Variants in TNIK observed in about 807,000 individuals in gnomAD.
TNIK encodes TRAF2 and NCK interacting kinase.
In TNIK, 49 loss-of-function variants were observed where a neutral mutation model predicts 191.3. That is an observed-to-expected ratio of 0.26 (90% CI 0.20 to 0.32). The LOEUF is 0.32. TNIK is among the 10% of genes least tolerant of loss of function. The pLI, the probability that TNIK is intolerant of heterozygous loss-of-function variation, is 1.00. For missense variants in TNIK, 1,155 were observed against 1,702.3 expected, an observed-to-expected ratio of 0.68 and a Z score of 5.66; for synonymous variants, 594 against 600.9, an observed-to-expected ratio of 0.99 and a Z score of 0.17.
At chr3:171,065,535 C>T (rs529336953) in intron 32 of TNIK, among the ~76,000 whole-genome samples, 15 of 152,298 alleles carry the variant, frequency 9.8e-5, no homozygotes, top group Non-Finnish European at 1.6e-4. Flanking sequence ...ACTAAAACCT[C>T]GGGGTTACTC....
At chr3:171,278,673 TCCTCCCAAATGACA>T (rs1314543109) in intron 2 of TNIK, among the ~76,000 whole-genome samples, 1 of 152,026 alleles carries the variant, frequency 6.6e-6, no homozygotes, top group African/African-American at 2.4e-5. Context: ...AACAGGAGTA[TCCTCCCAAATGACA>T]AGGGGTGACT....
chr3:171,372,255 G>C (rs1033033054), intron 1 of TNIK, among the ~76,000 whole-genome samples: 2 of 152,214 alleles, frequency 1.3e-5, no homozygotes, highest in African/African-American at 4.8e-5. Flanking sequence ...ACTGCTAGGA[G>C]AAGGTTTTTG....
At chr3:171,205,750 C>T (rs1453851842) in intron 4 of TNIK, among the ~76,000 whole-genome samples, 1 of 152,164 alleles carries the variant, frequency 6.6e-6, no homozygotes, top group Non-Finnish European at 1.5e-5. Context: ...GGCTCTCCCA[C>T]CTAATGCAGA....
chr3:171,386,262 T>C (rs1055393526), intron 1 of TNIK, among the ~76,000 whole-genome samples: 3 of 152,258 alleles, frequency 2.0e-5, no homozygotes, highest in Non-Finnish European at 2.9e-5. Flanking sequence ...CATCATTAAA[T>C]ATACCTTCCT....
At chr3:171,129,607 TCTC>T (rs1264931452) in intron 15 of TNIK, among the ~76,000 whole-genome samples, 1 of 152,156 alleles carries the variant, frequency 6.6e-6, no homozygotes, top group East Asian at 1.9e-4. Context: ...CATTCTTGCT[TCTC>T]CTCCTTTCTC....
Position 171,140,512 on chromosome 3 carries a change from G to T in TNIK, c.1222-3C>A. 1 of 1,612,942 alleles carries T rather than the reference G, an allele frequency of 6.2e-7. No homozygotes were observed. ...AGCTCCTTCTCTCGCCTTTGTTGCT[G>T]TGGGGCAACAAGCAGACAACCATGA... is the stretch of plus-strand genomic sequence containing the variant. On this transcript the variant is annotated splice_region_variant and splice_polypyrimidine_tract_variant and intron_variant, in intron 12 of 32. Transcript: ENST00000436636.
At chr3:171,084,779 C>T (rs1430102810) in intron 25 of TNIK, among the ~76,000 whole-genome samples, 1 of 152,140 alleles carries the variant, frequency 6.6e-6, no homozygotes, top group Non-Finnish European at 1.5e-5. Flanking sequence ...GTACCATACA[C>T]TTATTAAGTG....
chr3:171,456,665 G>A (rs913604199), intron 1 of TNIK, among the ~76,000 whole-genome samples: 1 of 152,160 alleles, frequency 6.6e-6, no homozygotes, highest in Non-Finnish European at 1.5e-5. Context: ...AACCAGGGCT[G>A]GACAAGATGA....
At chr3:171,103,327 C>T (rs1723923953) in intron 21 of TNIK, among the ~76,000 whole-genome samples, 2 of 151,978 alleles carry the variant, frequency 1.3e-5, no homozygotes, top group South Asian at 4.1e-4. Flanking sequence ...AAGAGGAAAA[C>T]CATAACATAG....
At chr3:171,124,921 T>C (rs543342231) in intron 17 of TNIK, among the ~76,000 whole-genome samples, 51 of 152,342 alleles carry the variant, frequency 3.3e-4, no homozygotes, top group Non-Finnish European at 6.9e-4. Flanking sequence ...CATATTGACT[T>C]TTGCTCCCTA....
intron 1 of TNIK, among the ~76,000 whole-genome samples, chr3:171,450,957 A>G (rs572397784): frequency 1.3e-5 from 2 of 152,344 alleles, no homozygotes; most frequent in South Asian, 4.1e-4. Context: ...CCTTAAAGAT[A>G]ATAAAGCACT....
At chr3:171,218,009 TAATAAC>T (rs1297436497) in intron 3 of TNIK, among the ~76,000 whole-genome samples, 1 of 152,154 alleles carries the variant, frequency 6.6e-6, no homozygotes, top group Non-Finnish European at 1.5e-5. Flanking sequence ...GACCTGGTAA[TAATAAC>T]AACAATAGGC....
intron 2 of TNIK, among the ~76,000 whole-genome samples, chr3:171,301,627 T>A (rs1420627957): frequency 6.6e-6 from 1 of 152,204 alleles, no homozygotes; most frequent in Non-Finnish European, 1.5e-5. Context: ...AGCCTGGACT[T>A]TTCAACACTG....
At chr3:171,234,401 T>G (rs1271809930) in intron 2 of TNIK, among the ~76,000 whole-genome samples, 1 of 152,228 alleles carries the variant, frequency 6.6e-6, no homozygotes, top group African/African-American at 2.4e-5. Context: ...TCAGACTTTA[T>G]GGCTCCCAGA....
chr3:171,364,309 T>C (rs1715393125), intron 2 of TNIK, among the ~76,000 whole-genome samples: 1 of 152,088 alleles, frequency 6.6e-6, no homozygotes, highest in South Asian at 2.1e-4. Flanking sequence ...ATAGTCTTGC[T>C]TCTGCAGACT....
At chr3:171,429,458 T>G (rs1317365067) in intron 1 of TNIK, among the ~76,000 whole-genome samples, 1 of 152,218 alleles carries the variant, frequency 6.6e-6, no homozygotes, top group Non-Finnish European at 1.5e-5. Context: ...GGCCTGATTT[T>G]GGCTATTTCT....
At chr3:171,357,936 C>T (rs1440646577) in intron 2 of TNIK, among the ~76,000 whole-genome samples, 1 of 152,052 alleles carries the variant, frequency 6.6e-6, no homozygotes, top group Non-Finnish European at 1.5e-5. Flanking sequence ...GAACCTGTGA[C>T]TGGGGATGTA....
intron 2 of TNIK, among the ~76,000 whole-genome samples, chr3:171,284,627 A>G (rs1175806266): frequency 6.6e-6 from 1 of 152,142 alleles, no homozygotes; most frequent in Non-Finnish European, 1.5e-5. Context: ...AATAAAAAAT[A>G]AAATCAAATG....
intron 3 of TNIK, among the ~76,000 whole-genome samples, chr3:171,213,463 C>G (rs149403803): frequency 0.011 from 1,605 of 152,090 alleles, 26 homozygotes; most frequent in African/African-American, 0.037. Flanking sequence ...GCTGCTTCTA[C>G]AAGTATTTAC....
Sources: gnomAD v4.1 joint callset for allele counts (sites outside exome capture counted in the v4.1 genomes callset) on GRCh38, gnomAD v4.1.1 for gene constraint, MANE v1.5 for transcripts, NCBI Gene and HGNC (gene_info 2026-07-23, HGNC 2026-07-21) for gene names.